Variants in RGPD2 observed in about 807,000 individuals in gnomAD.
RGPD2 encodes the protein RANBP2-like and GRIP domain-containing protein 2.
In RGPD2, 2 loss-of-function variants were observed where a neutral mutation model predicts 36.0. The observed-to-expected ratio is 0.06, with a 90% confidence interval of 0.02 to 0.17. The LOEUF (loss-of-function observed/expected upper bound fraction) is 0.17. RGPD2 is among the 10% of genes least tolerant of loss of function. RGPD2 has a pLI of 1.00. For missense variants in RGPD2, 40 were observed against 464.3 expected, an observed-to-expected ratio of 0.09 and a Z score of 8.40; for synonymous variants, 19 against 163.8, an observed-to-expected ratio of 0.12 and a Z score of 6.75.
the RGPD2 span, chr2:87,989,606 T>C: frequency 2.1e-6 from 1 of 478,064 alleles, no homozygotes; most frequent in African/African-American, 2.0e-5. Context: ...TGAGAAATGT[T>C]TGTTGTCATT....
chr2:87,881,499 C>A, the RGPD2 span, among the ~76,000 whole-genome samples: 2 of 151,228 alleles, frequency 1.3e-5, no homozygotes, highest in Non-Finnish European at 3.0e-5. Context: ...TTACTCTGTG[C>A]ACCTGCAAGA....
the RGPD2 span, among the ~76,000 whole-genome samples, chr2:87,910,623 T>A: frequency 6.6e-6 from 1 of 152,188 alleles, no homozygotes; most frequent in African/African-American, 2.4e-5. Flanking sequence ...TTCGCATCTT[T>A]GGATACAATT....
chr2:87,902,881 T>C, the RGPD2 span, among the ~76,000 whole-genome samples: 1 of 149,660 alleles, frequency 6.7e-6, no homozygotes, highest in Non-Finnish European at 1.5e-5. Context: ...AGAATTACTA[T>C]TATCTAGCGT....
the RGPD2 span, among the ~76,000 whole-genome samples, chr2:87,938,296 T>G: frequency 2.0e-5 from 3 of 151,930 alleles, no homozygotes; most frequent in African/African-American, 7.2e-5. Context: ...TGCACAGAGA[T>G]GTTAAGCTTG....
chr2:87,964,471 A>T, the RGPD2 span, among the ~76,000 whole-genome samples: 1 of 152,092 alleles, frequency 6.6e-6, no homozygotes, highest in East Asian at 1.9e-4. Context: ...ATTGTACTTC[A>T]CAGATACTAT....
At chr2:87,830,566 C>G (rs568241831), upstream of RGPD2, among the ~76,000 whole-genome samples, 1 of 152,246 alleles carries the variant, frequency 6.6e-6, no homozygotes, top group Non-Finnish European at 1.5e-5. Context: ...AGCAGTACCC[C>G]ACTCTACTGA....
chr2:87,825,750 C>G lies in RGPD2; in HGVS notation c.-21G>C. ...CTCATCGCACCGCCAACCTGGCTCC[C>G]GAGACGCGTGAAACCAGCGCTCAGC... On this transcript the variant is annotated 5_prime_UTR_variant, in exon 1 of 23. Coordinates refer to ENST00000398146, the MANE Select transcript of RGPD2 (RefSeq NM_001078170.3). 3.1e-6 allele frequency: 5 copies of G among 1,587,954 alleles called. No individual in the cohort carries two copies. Among genetic ancestry groups the G allele is most frequent in the Non-Finnish European group, 4.3e-6 (5 of 1,167,568 alleles).
the RGPD2 span, among the ~76,000 whole-genome samples, chr2:87,962,027 CAAA>C: frequency 4.1e-3 from 443 of 108,328 alleles, 3 homozygotes; most frequent in Non-Finnish European, 7.0e-3. Flanking sequence ...ACACTTGTCT[CAAA>C]AAAAAAAAAA....
chr2:87,983,362 A>G, the RGPD2 span, among the ~76,000 whole-genome samples: 6 of 144,514 alleles, frequency 4.2e-5, no homozygotes, highest in African/African-American at 1.3e-4. Context: ...CTATTTTCCC[A>G]TAAGATTTTT....
the RGPD2 span, among the ~76,000 whole-genome samples, chr2:87,964,124 C>T: frequency 2.0e-5 from 3 of 152,252 alleles, no homozygotes; most frequent in East Asian, 1.9e-4. Context: ...CGGCATCCAC[C>T]GCGCCCAGCA....
the RGPD2 span, among the ~76,000 whole-genome samples, chr2:87,872,948 C>T: frequency 4.6e-5 from 7 of 152,352 alleles, no homozygotes; most frequent in South Asian, 2.1e-4. Flanking sequence ...TTAGTAGAGA[C>T]GAGGTTTCAC....
chr2:87,938,503 A>G, the RGPD2 span, among the ~76,000 whole-genome samples: 5 of 114,212 alleles, frequency 4.4e-5, 1 homozygote, highest in Admixed American at 4.8e-4. Flanking sequence ...TAAAAAGTAC[A>G]GTGTAATATA....
chr2:87,877,067 C>T, the RGPD2 span, among the ~76,000 whole-genome samples: 42 of 152,374 alleles, frequency 2.8e-4, no homozygotes, highest in Non-Finnish European at 4.9e-4. Context: ...AGATTTTTCT[C>T]CATCTCTTTA....
At chr2:87,843,821 A>T in the RGPD2 span, among the ~76,000 whole-genome samples, 2 of 152,142 alleles carry the variant, frequency 1.3e-5, no homozygotes, top group South Asian at 2.1e-4. Context: ...CCAAATGTCC[A>T]ACAATGATAG....
chr2:87,763,505 CACAAT>C (rs1385397573), intron 22 of RGPD2, among the ~76,000 whole-genome samples: 1 of 60,332 alleles, frequency 1.7e-5, no homozygotes, highest in African/African-American at 7.1e-5. Context: ...AATTAATTTT[CACAAT>C]ACATTTTATT....
Position 87,818,739 on chromosome 2 carries a change from TA to T in RGPD2, c.73-117del, listed in dbSNP as rs1327896931. ...TTCAAATATGCCATTTTCATTCACT[TA>T]AAAGTTTTTTTTAAAGCCTGACAAA... is the stretch of plus-strand genomic sequence containing the variant. On this transcript the variant is annotated intron_variant, in intron 1 of 22. Coordinates refer to ENST00000398146, the MANE Select transcript of RGPD2 (RefSeq NM_001078170.3). 9.1e-6 allele frequency: 5 copies of T among 546,758 alleles called. No individual in the cohort carries two copies. The African/African-American group carries it at 9.4e-5, about 10-fold the overall frequency. The allele number at this position is 546,758 out of a possible 1,614,324, so 33.9% of individuals were successfully genotyped here.
At chr2:87,830,974 A>T in the RGPD2 span, among the ~76,000 whole-genome samples, 1 of 152,224 alleles carries the variant, frequency 6.6e-6, no homozygotes, top group Non-Finnish European at 1.5e-5. Context: ...CCTACAGCAC[A>T]TTAACATAGT....
At chr2:87,857,029 G>A in the RGPD2 span, among the ~76,000 whole-genome samples, 1 of 152,198 alleles carries the variant, frequency 6.6e-6, no homozygotes, top group East Asian at 1.9e-4. Context: ...CAACATTTTT[G>A]TTGAAAGACC....
At chr2:87,877,103 TGTGAG>T in the RGPD2 span, among the ~76,000 whole-genome samples, 1 of 152,248 alleles carries the variant, frequency 6.6e-6, no homozygotes, top group Non-Finnish European at 1.5e-5. Flanking sequence ...TGTCACTGCA[TGTGAG>T]ATGGGTCTCT....
Sources: gnomAD v4.1 joint callset for allele counts (sites outside exome capture counted in the v4.1 genomes callset) on GRCh38, gnomAD v4.1.1 for gene constraint, MANE v1.5 for transcripts, NCBI Gene and HGNC (gene_info 2026-07-23, HGNC 2026-07-21) for gene names.